LMO7: variants seen among roughly 807,000 people sequenced by gnomAD.
The protein encoded by LMO7 is LIM domain 7, also known as LIM domain only protein 7.
In LMO7, 120 loss-of-function variants were observed where a neutral mutation model predicts 206.5. That is an observed-to-expected ratio of 0.58 (90% CI 0.50 to 0.68). The LOEUF is 0.68. LMO7 is among the 30% of genes least tolerant of loss of function. LMO7 has a pLI of 0.00. For missense variants in LMO7, 1,959 were observed against 1,957.9 expected, an observed-to-expected ratio of 1.00 and a Z score of -0.01; for synonymous variants, 706 against 681.5, an observed-to-expected ratio of 1.04 and a Z score of -0.56.
At chr13:75,844,946 G>A (rs1358918595) in intron 25 of LMO7, among the ~76,000 whole-genome samples, 4 of 152,146 alleles carry the variant, frequency 2.6e-5, no homozygotes, top group Non-Finnish European at 5.9e-5. Flanking sequence ...GGGGAGTGTG[G>A]GGGAAGTGGG....
intron 1 of LMO7, among the ~76,000 whole-genome samples, chr13:75,681,716 A>G (rs201823637): frequency 3.6e-4 from 40 of 110,132 alleles, no homozygotes; most frequent in African/African-American, 1.2e-3. Context: ...GTATATATAT[A>G]TGTATATATA....
intron 2 of LMO7, among the ~76,000 whole-genome samples, chr13:75,718,790 C>T (rs889234483): frequency 6.6e-6 from 1 of 152,176 alleles, no homozygotes; most frequent in Non-Finnish European, 1.5e-5. Flanking sequence ...CTGTGCTCCT[C>T]CTATTCATCC....
chr13:75,683,755 T>G (rs757811075), intron 1 of LMO7, among the ~76,000 whole-genome samples: 6 of 152,220 alleles, frequency 3.9e-5, no homozygotes, highest in Non-Finnish European at 5.9e-5. Context: ...CATCAATACA[T>G]GTAAGATTTA....
intron 11 of LMO7, 23 bp downstream of exon 11, chr13:75,809,206 A>G (rs773785128): frequency 6.2e-7 from 1 of 1,601,928 alleles, no homozygotes; most frequent in East Asian, 2.2e-5. Flanking sequence ...GTTCACAGTA[A>G]AAAATCTGTG....
chr13:75,751,191 C>T (rs7336473), intron 3 of LMO7, among the ~76,000 whole-genome samples: 45,876 of 121,384 alleles, frequency 0.38, 8,684 homozygotes, highest in East Asian at 0.52. Context: ...GACAGAGCCT[C>T]GCTCTGTCGC....
chr13:75,630,215 C>T (rs1216879949), intron 2 of LMO7, among the ~76,000 whole-genome samples: 1 of 152,152 alleles, frequency 6.6e-6, no homozygotes, highest in African/African-American at 2.4e-5. Context: ...TCCCTACACC[C>T]AGATCCATAG....
intron 2 of LMO7, among the ~76,000 whole-genome samples, chr13:75,719,454 G>A (rs1312412249): frequency 6.6e-6 from 1 of 152,140 alleles, no homozygotes; most frequent in African/African-American, 2.4e-5. Flanking sequence ...CAAATCTCAT[G>A]TCAAATTGTA....
chr13:75,650,284 C>T (rs1304552543), intron 1 of LMO7, among the ~76,000 whole-genome samples: 1 of 152,048 alleles, frequency 6.6e-6, no homozygotes, highest in African/African-American at 2.4e-5. Flanking sequence ...TGCACGCTAC[C>T]ATGCCTAGCT....
intron 3 of LMO7, among the ~76,000 whole-genome samples, chr13:75,735,424 A>G (rs1170403676): frequency 2.6e-5 from 4 of 152,094 alleles, no homozygotes; most frequent in Non-Finnish European, 5.9e-5. Context: ...GAGGTTTGTT[A>G]TTTAAGGAAT....
At chr13:75,678,401 A>G (rs1393698313) in intron 1 of LMO7, among the ~76,000 whole-genome samples, 1 of 152,102 alleles carries the variant, frequency 6.6e-6, no homozygotes, top group Non-Finnish European at 1.5e-5. Context: ...AGTGATGAGC[A>G]TTTTTTCATG....
At chr13:75,805,162 T>C in intron 8 of LMO7, 1 of 1,152,868 alleles carries the variant, frequency 8.7e-7, no homozygotes, top group Non-Finnish European at 1.1e-6. Flanking sequence ...TCAGAAATAC[T>C]TGTCCTGGAT....
intron 4 of LMO7, among the ~76,000 whole-genome samples, chr13:75,777,928 AGC>A (rs1594907929): frequency 6.6e-6 from 1 of 152,230 alleles, no homozygotes; most frequent in Middle Eastern, 3.4e-3. Flanking sequence ...TACAGGCGTA[AGC>A]CACCGTGCCT....
chr13:75,671,020 A>G (rs2039529621), intron 1 of LMO7, among the ~76,000 whole-genome samples: 1 of 149,038 alleles, frequency 6.7e-6, no homozygotes, highest in Non-Finnish European at 1.5e-5. Flanking sequence ...CAAGACACAA[A>G]CACCAGGATT....
rs1048417608 is a variant in LMO7 at position 75,835,410 on chromosome 13, A to ATAATTTCT, written c.3333+73_3333+80dup. 19 of 956,902 alleles carry ATAATTTCT rather than the reference A, an allele frequency of 2.0e-5. No individual in the cohort carries two copies. In the Admixed American group the frequency reaches 4.3e-4, roughly 22 times the overall value. 59.3% of individuals were successfully genotyped at this position (956,902 alleles called of 1,614,324 possible). On this transcript the variant is annotated intron_variant, in intron 18 of 30. Coordinates refer to ENST00000377534, the MANE Select transcript of LMO7 (RefSeq NM_001306080.2). ...CTGTTAGAATTGTGTATGGAAGAAA[A>ATAATTTCT]TAATTTCTTTTGTTTGTACAATTTT...
intron 1 of LMO7, among the ~76,000 whole-genome samples, chr13:75,683,053 ACTTTTTTTTT>A (rs2040678275): frequency 6.8e-6 from 1 of 146,966 alleles, no homozygotes. Context: ...CAGTGGTTTG[ACTTTTTTTTT>A]CTTTTTTTTT....
intron 4 of LMO7, among the ~76,000 whole-genome samples, chr13:75,774,825 T>C (rs1329718784): frequency 6.6e-6 from 1 of 152,164 alleles, no homozygotes; most frequent in Non-Finnish European, 1.5e-5. Context: ...TCACAGTTTG[T>C]CTTTTGAAGA....
intron 3 of LMO7, among the ~76,000 whole-genome samples, chr13:75,750,188 G>C (rs745812063): frequency 1.3e-5 from 2 of 151,966 alleles, no homozygotes; most frequent in Non-Finnish European, 2.9e-5. Context: ...AAAATAACTG[G>C]TCACAATATA....
At chr13:75,667,741 C>G (rs544050993) in intron 1 of LMO7, among the ~76,000 whole-genome samples, 22 of 152,294 alleles carry the variant, frequency 1.4e-4, no homozygotes, top group African/African-American at 5.3e-4. Context: ...ATTAGGATCA[C>G]TGGAACATCT....
intron 1 of LMO7, among the ~76,000 whole-genome samples, chr13:75,674,729 A>C (rs1397134281): frequency 6.6e-6 from 1 of 152,250 alleles, no homozygotes; most frequent in Non-Finnish European, 1.5e-5. Flanking sequence ...ACACAAAATT[A>C]CAGTGGAATA....
Sources: allele counts gnomAD v4.1 joint callset (sites outside exome capture counted in the v4.1 genomes callset), GRCh38; gene constraint gnomAD v4.1.1; transcripts MANE v1.5; gene names NCBI Gene and HGNC (gene_info 2026-07-23, HGNC 2026-07-21).